NUP155: variants seen among roughly 807,000 people sequenced by gnomAD.
NUP155 encodes the protein nucleoporin 155.
In NUP155, 71 loss-of-function variants were observed where a neutral mutation model predicts 180.4. That is an observed-to-expected ratio of 0.39 (90% confidence interval 0.33 to 0.48). The LOEUF (loss-of-function observed/expected upper bound fraction) is 0.48, where lower values mean the gene tolerates loss of function less well. NUP155 is among the 20% of genes least tolerant of loss of function. The pLI, the probability that NUP155 is intolerant of heterozygous loss-of-function variation, is 0.91. For missense variants in NUP155, 1,553 were observed against 1,648.9 expected, an observed-to-expected ratio of 0.94 and a Z score of 1.01; for synonymous variants, 582 against 559.5, an observed-to-expected ratio of 1.04 and a Z score of -0.57.
At chr5:37,340,377 G>A (rs1219703357) in intron 11 of NUP155, among the ~76,000 whole-genome samples, 4 of 151,920 alleles carry the variant, frequency 2.6e-5, no homozygotes, top group African/African-American at 4.8e-5. Flanking sequence ...CCTGGGAAGC[G>A]GAGGTTGCAG....
In NUP155 at chr5:37,325,975, A is replaced by G; in HGVS notation, c.2025-8T>C. Reference sequence around the variant, plus strand: ...CTTGCATCCCAAATGTTTCTGGAAAAAAAAAAGTTTTAATGATTGTGCTGT... The same window carrying G: ...CTTGCATCCCAAATGTTTCTGGAAAGAAAAAAGTTTTAATGATTGTGCTGT... On this transcript the variant is annotated splice_region_variant and splice_polypyrimidine_tract_variant and intron_variant, in intron 18 of 34. Transcript: ENST00000231498. The G allele has an allele frequency of 6.2e-7, 1 of 1,602,976 alleles. No individual in the cohort carries two copies. Among genetic ancestry groups the G allele is most frequent in the Non-Finnish European group, 8.5e-7 (1 of 1,172,458 alleles).
intron 25 of NUP155, among the ~76,000 whole-genome samples, 159 bp downstream of exon 25, chr5:37,307,138 C>T (rs2150945983): frequency 6.8e-6 from 1 of 147,300 alleles, no homozygotes; most frequent in Non-Finnish European, 1.5e-5. Context: ...GCAGAGATTG[C>T]AGTGAGCCAA....
At chr5:37,346,677 C>CAAAA (rs930870933) in intron 9 of NUP155, among the ~76,000 whole-genome samples, 6 of 145,202 alleles carry the variant, frequency 4.1e-5, no homozygotes, top group Non-Finnish European at 7.6e-5. Flanking sequence ...GTCTCGGAAA[C>CAAAA]AAAAAAAAAA....
At chr5:37,350,497 C>A (rs1391108024) in intron 6 of NUP155, among the ~76,000 whole-genome samples, 4 of 152,040 alleles carry the variant, frequency 2.6e-5, no homozygotes, top group Non-Finnish European at 5.9e-5. Context: ...TCAAGACATA[C>A]TGTTAGATGA....
At chr5:37,312,263 T>C (rs891971215) in intron 22 of NUP155, among the ~76,000 whole-genome samples, 2 of 152,118 alleles carry the variant, frequency 1.3e-5, no homozygotes, top group Non-Finnish European at 2.9e-5. Flanking sequence ...TATGAAGTAT[T>C]CTATTCTTCC....
At chr5:37,299,653 A>G in intron 30 of NUP155, 85 bp from the exon 31 acceptor site, 1 of 1,344,278 alleles carries the variant, frequency 7.4e-7, no homozygotes, top group Non-Finnish European at 1.1e-6. Flanking sequence ...AAAATTAAAA[A>G]ATAACCAAAG....
Position 37,310,696 on chromosome 5 carries a change from G to A in NUP155, c.2484C>T (p.Ile828=). 6.2e-7 allele frequency: 1 copy of A among 1,613,786 alleles called. No homozygotes were observed. Among genetic ancestry groups the A allele is most frequent in the Non-Finnish European group, 8.5e-7 (1 of 1,179,876 alleles). ...ATGCCCCTGTGAGTTCTTTGTCCCT[G>A]ATTACAAGATCTTTAAAGGTGGTGA... ...LKITTFKDLV[I]RDKELTGALI... Residue 828 remains isoleucine (I), a synonymous_variant, in exon 23 of 35, where the codon ATC becomes ATT. Transcript: ENST00000231498.
At chr5:37,321,636 G>A (rs1744250368) in intron 20 of NUP155, among the ~76,000 whole-genome samples, 1 of 151,736 alleles carries the variant, frequency 6.6e-6, no homozygotes, top group African/African-American at 2.4e-5. Flanking sequence ...AGAACTGCTT[G>A]AGCCCAGGAG....
Position 37,288,311 on chromosome 5 carries a change from G to T in NUP155, c.*3589C>A, listed in dbSNP as rs1441638545. The T allele has an allele frequency of 2.0e-5, 3 of 152,144 alleles. No individual in the cohort carries two copies. Among genetic ancestry groups the T allele is most frequent in the African/African-American group, 7.2e-5 (3 of 41,416 alleles). The allele number at this position is 152,144 out of a possible 1,614,324, so 9.4% of individuals were successfully genotyped here. On this transcript the variant is annotated 3_prime_UTR_variant, in exon 35 of 35. Transcript: ENST00000231498. ...CCGTCTCATGAATAGGAGGAAAAAT[G>T]ACAGGAATGGAGACTACCCTGAGGA...
chr5:37,291,080 T>C lies in NUP155; in HGVS notation c.*820A>G, dbSNP rs1026903096. ...CTGCTCAACCAGGTATATAGCTATGTCAATTCTCAAGGGCTTTAACTGACA... is the reference window on the plus strand; with the variant it reads ...CTGCTCAACCAGGTATATAGCTATGCCAATTCTCAAGGGCTTTAACTGACA... On this transcript the variant is annotated 3_prime_UTR_variant, in exon 35 of 35. Transcript: ENST00000231498. 1 of 152,208 alleles carries C rather than the reference T, an allele frequency of 6.6e-6. No individual in the cohort carries two copies. The highest frequency in any genetic ancestry group is 1.5e-5 in the Non-Finnish European group (1 of 68,040). The allele number at this position is 152,208 out of a possible 1,614,324, so 9.4% of individuals were successfully genotyped here. A position where few individuals can be genotyped will look rare whatever the true frequency, so the allele number is the denominator to read the frequency against.
intron 9 of NUP155, among the ~76,000 whole-genome samples, chr5:37,343,457 G>A (rs958344879): frequency 5.9e-5 from 9 of 152,096 alleles, no homozygotes; most frequent in African/African-American, 2.2e-4. Flanking sequence ...GAAAAACTCT[G>A]GAATGTGTAT....
chr5:37,365,736 A>AAT (rs1747529286), intron 1 of NUP155, among the ~76,000 whole-genome samples: 1 of 35,692 alleles, frequency 2.8e-5, no homozygotes, highest in South Asian at 1.5e-3. Context: ...AAAAAAAAAA[A>AAT]AAATATATAT....
At chr5:37,293,582 G>A (rs971703346) in intron 33 of NUP155, among the ~76,000 whole-genome samples, 1 of 152,138 alleles carries the variant, frequency 6.6e-6, no homozygotes, top group South Asian at 2.1e-4. Flanking sequence ...TTTATCCTTA[G>A]CATAAAAATT....
At chr5:37,354,554 G>T (rs1259284386) in intron 4 of NUP155, among the ~76,000 whole-genome samples, 1 of 148,612 alleles carries the variant, frequency 6.7e-6, no homozygotes, top group Non-Finnish European at 1.5e-5. Context: ...GTCCTCCTAT[G>T]CTCAAGCGAT....
At position 37,365,738 on chromosome 5, in the gene NUP155, A is replaced by AATAT. The variant is rs1561818768; in HGVS notation, c.158-1358_158-1355dup. Among the ~76,000 whole-genome samples, 19 of 37,142 alleles carry AATAT rather than the reference A, an allele frequency of 5.1e-4. 1 individual carries two copies. The highest frequency in any genetic ancestry group is 3.6e-3 in the East Asian group (4 of 1,108). 24.4% of individuals were successfully genotyped at this position (37,142 alleles called of 152,430 possible). On this transcript the variant is annotated intron_variant, in intron 1 of 34. Transcript: ENST00000231498. Reference sequence around the variant, plus strand: ...GAAAAAAAAAAAAAAAAAAAAAAAAAATATATATATATATACACACACACA... The same window carrying AATAT: ...GAAAAAAAAAAAAAAAAAAAAAAAAAATATATATATATATATATACACACACACA...
At chr5:37,354,457 CTTTTTTTT>C (rs34505360) in intron 4 of NUP155, among the ~76,000 whole-genome samples, 3 of 115,058 alleles carry the variant, frequency 2.6e-5, no homozygotes, top group East Asian at 2.7e-4. Context: ...TTTATTTCTT[CTTTTTTTT>C]TTTTTTTTTT....
intron 22 of NUP155, 42 bp downstream of exon 22, chr5:37,314,156 A>C (rs1320283920): frequency 2.8e-6 from 4 of 1,421,514 alleles, no homozygotes; most frequent in Non-Finnish European, 2.9e-6. Context: ...AAATCCAAAC[A>C]TAGTATTAAT....
intron 2 of NUP155, 52 bp downstream of exon 2, chr5:37,364,195 T>C: frequency 7.1e-7 from 1 of 1,404,978 alleles, no homozygotes; most frequent in Non-Finnish European, 1.0e-6. Flanking sequence ...ATTATAAGAA[T>C]GAAAAATACC....
chr5:37,346,677 CAAAA>C (rs930870933), intron 9 of NUP155, among the ~76,000 whole-genome samples: 2 of 145,202 alleles, frequency 1.4e-5, no homozygotes, highest in Admixed American at 1.4e-4. Flanking sequence ...GTCTCGGAAA[CAAAA>C]AAAAAAGAGA....
Sources: allele counts gnomAD v4.1 joint callset (sites outside exome capture counted in the v4.1 genomes callset), GRCh38; gene constraint gnomAD v4.1.1; transcripts MANE v1.5; gene names NCBI Gene and HGNC (gene_info 2026-07-23, HGNC 2026-07-21).